ENTPD1: variants seen among roughly 807,000 people sequenced by gnomAD.
The protein encoded by ENTPD1 is ATP diphosphohydrolase.
ENTPD1 carries 33 observed loss-of-function variants against 57.0 expected under a neutral mutation model. That is an observed-to-expected ratio of 0.58 (90% CI 0.44 to 0.77). The LOEUF (loss-of-function observed/expected upper bound fraction) is 0.77. ENTPD1 is among the 30% of genes least tolerant of loss of function. The pLI, the probability that ENTPD1 is intolerant of heterozygous loss-of-function variation, is 0.00. For synonymous variants in ENTPD1, 202 were observed against 218.8 expected (o/e 0.92, Z 0.68); for missense variants, 501 against 603.4 (o/e 0.83, Z 1.78).
chr10:95,846,398 A>G (rs1238476950), intron 6 of ENTPD1: 1 of 152,046 alleles, frequency 6.6e-6, no homozygotes. Flanking sequence ...AAAAGAAAAG[A>G]AAAAGAAAAA....
chr10:95,840,721 T>G (rs912349988), intron 3 of ENTPD1, among the ~76,000 whole-genome samples: 9 of 152,242 alleles, frequency 5.9e-5, no homozygotes, highest in African/African-American at 2.2e-4. Flanking sequence ...TATGTTAGAG[T>G]GGTTGACATT....
intron 7 of ENTPD1, among the ~76,000 whole-genome samples, chr10:95,850,514 A>C (rs1246066377): frequency 6.6e-6 from 1 of 152,142 alleles, no homozygotes; most frequent in Non-Finnish European, 1.5e-5. Context: ...CTCTCGGGGA[A>C]TGGGGAGCTG....
intron 7 of ENTPD1, among the ~76,000 whole-genome samples, chr10:95,855,293 G>A (rs1302754671): frequency 1.3e-5 from 2 of 151,812 alleles, no homozygotes; most frequent in Non-Finnish European, 2.9e-5. Flanking sequence ...TTGCTTGATA[G>A]ATCTTCCTCC....
chr10:95,743,986 G>C (rs1566099578), intron 1 of ENTPD1, among the ~76,000 whole-genome samples: 1 of 85,990 alleles, frequency 1.2e-5, no homozygotes, highest in African/African-American at 3.8e-5. Flanking sequence ...AAATATAGAT[G>C]TATTTTAAAC....
intron 1 of ENTPD1, among the ~76,000 whole-genome samples, chr10:95,778,660 CTAAAATCT>C: frequency 2.0e-5 from 3 of 152,038 alleles, no homozygotes; most frequent in Admixed American, 2.0e-4. Flanking sequence ...GTTTAAATTT[CTAAAATCT>C]TGTTTTTATT....
intron 1 of ENTPD1, among the ~76,000 whole-genome samples, chr10:95,769,986 A>AT (rs1341011195): frequency 1.3e-5 from 2 of 152,238 alleles, no homozygotes; most frequent in African/African-American, 4.8e-5. Context: ...CCTATTTGAC[A>AT]TGGGTCTTTC....
the ENTPD1 span, among the ~76,000 whole-genome samples, chr10:95,699,156 C>T: frequency 6.6e-6 from 1 of 151,214 alleles, no homozygotes; most frequent in East Asian, 1.9e-4. Context: ...CCCTGGGTGA[C>T]AAAGTCTCTT....
chr10:95,826,706 G>A (rs1003830446), intron 2 of ENTPD1, among the ~76,000 whole-genome samples: 2 of 152,140 alleles, frequency 1.3e-5, no homozygotes, highest in African/African-American at 4.8e-5. Context: ...AAGATGGGGA[G>A]GTACGTGGTG....
chr10:95,712,222 GTGT>G (rs2097966364), intron 1 of ENTPD1, among the ~76,000 whole-genome samples: 1 of 152,000 alleles, frequency 6.6e-6, no homozygotes, highest in Admixed American at 6.6e-5. Flanking sequence ...TTGTCTTTCC[GTGT>G]TGTTGTGTCA....
At chr10:95,778,752 T>C (rs1223306960) in intron 1 of ENTPD1, among the ~76,000 whole-genome samples, 1 of 152,218 alleles carries the variant, frequency 6.6e-6, no homozygotes, top group African/African-American at 2.4e-5. Context: ...CTCTCTCTGA[T>C]GATAGTAATT....
chr10:95,748,585 C>A (rs908091712), intron 1 of ENTPD1, among the ~76,000 whole-genome samples: 2 of 152,194 alleles, frequency 1.3e-5, no homozygotes, highest in African/African-American at 4.8e-5. Context: ...GTGTCTCCAG[C>A]AGATAAGGGC....
At chr10:95,810,700 A>G (rs1430806215) in intron 1 of ENTPD1, among the ~76,000 whole-genome samples, 3 of 152,244 alleles carry the variant, frequency 2.0e-5, no homozygotes, top group African/African-American at 7.2e-5. Context: ...TGAAGCCACA[A>G]GACTGAAATA....
intron 1 of ENTPD1, 76 bp downstream of exon 1, chr10:95,756,331 A>C (rs2098024121): frequency 6.8e-7 from 1 of 1,481,412 alleles, no homozygotes. Context: ...CAGACCAAAA[A>C]GCAAGTACTT....
intron 1 of ENTPD1, among the ~76,000 whole-genome samples, chr10:95,803,555 G>A (rs2098259640): frequency 6.6e-6 from 1 of 152,074 alleles, no homozygotes; most frequent in Non-Finnish European, 1.5e-5. Flanking sequence ...TGATGGGGTT[G>A]TTTTTTTCTT....
intron 7 of ENTPD1, among the ~76,000 whole-genome samples, chr10:95,853,785 C>G (rs2098449614): frequency 6.6e-6 from 1 of 152,168 alleles, no homozygotes; most frequent in Non-Finnish European, 1.5e-5. Flanking sequence ...ATGAAGCCCA[C>G]TTCATCATGG....
At chr10:95,859,901 TTGA>T (rs1346211743) in intron 7 of ENTPD1, among the ~76,000 whole-genome samples, 1 of 152,190 alleles carries the variant, frequency 6.6e-6, no homozygotes, top group African/African-American at 2.4e-5. Context: ...GTTCTTATGT[TTGA>T]TGATGATAAT....
chr10:95,876,267 A>AT lies in ENTPD1; in HGVS notation c.*9888dup. The AT allele has an allele frequency of 1.0e-6, 1 of 978,976 alleles. No homozygotes were observed. Among genetic ancestry groups the AT allele is most frequent in the Non-Finnish European group, 1.2e-6 (1 of 824,070 alleles). 60.6% of individuals were successfully genotyped at this position (978,976 alleles called of 1,614,324 possible). On this transcript the variant is annotated 3_prime_UTR_variant, in exon 10 of 10. Transcript: ENST00000371205. ...GCTAATTTTATAATAACACAAGTTGATTTTGACATCCAACTTATTAATTAT... is the reference window on the plus strand; with the variant it reads ...GCTAATTTTATAATAACACAAGTTGATTTTTGACATCCAACTTATTAATTAT...
At chr10:95,709,668 C>T (rs1363697521), upstream of ENTPD1, among the ~76,000 whole-genome samples, 4 of 152,312 alleles carry the variant, frequency 2.6e-5, no homozygotes, top group East Asian at 1.9e-4. Flanking sequence ...CAGGCCTGAG[C>T]CACCGGGCCT....
At chr10:95,810,463 G>A (rs901554776) in intron 1 of ENTPD1, among the ~76,000 whole-genome samples, 2 of 143,166 alleles carry the variant, frequency 1.4e-5, no homozygotes, top group Non-Finnish European at 1.5e-5. Flanking sequence ...GGGCAGAGGC[G>A]CTCCTCACTT....
Sources: gnomAD v4.1 joint callset for allele counts (sites outside exome capture counted in the v4.1 genomes callset) on GRCh38, gnomAD v4.1.1 for gene constraint, MANE v1.5 for transcripts, NCBI Gene and HGNC (gene_info 2026-07-23, HGNC 2026-07-21) for gene names.